Variants in PRPF39 observed in about 807,000 individuals in gnomAD.
PRPF39 encodes pre-mRNA processing factor 39, also known as pre-mRNA-processing factor 39.
Under a neutral mutation model 82.1 loss-of-function variants are expected in PRPF39, and 27 were observed. The observed-to-expected ratio is 0.33, with a 90% CI of 0.24 to 0.45. The LOEUF (loss-of-function observed/expected upper bound fraction) is 0.45. PRPF39 is among the 20% of genes least tolerant of loss of function. The probability of loss-of-function intolerance (pLI) is 1.00; values close to 1 mark genes in which losing one functional copy is unlikely to be tolerated. For missense variants in PRPF39, 581 were observed against 796.9 expected (o/e 0.73, Z 3.26); for synonymous variants, 261 against 256.4 (o/e 1.02, Z -0.17).
intron 5 of PRPF39, among the ~76,000 whole-genome samples, chr14:45,103,951 A>G (rs146594196): frequency 1.3e-5 from 2 of 152,228 alleles, no homozygotes; most frequent in Non-Finnish European, 2.9e-5. Flanking sequence ...TATCCCAGAC[A>G]CTGTGCTGAG....
chr14:45,095,966 G>A, intron 2 of PRPF39, 137 bp from the exon 3 acceptor site: 1 of 661,836 alleles, frequency 1.5e-6, no homozygotes, highest in Non-Finnish European at 2.4e-6. Flanking sequence ...TGCTCCATCG[G>A]CAGAGCAGCC....
intron 1 of PRPF39, among the ~76,000 whole-genome samples, chr14:45,086,974 T>C (rs1343963345): frequency 6.6e-6 from 1 of 152,066 alleles, no homozygotes; most frequent in African/African-American, 2.4e-5. Context: ...CACTGTGGTA[T>C]ATCTGTTTTT....
At chr14:45,090,021 C>A (rs1326230589) in intron 1 of PRPF39, among the ~76,000 whole-genome samples, 14 of 152,146 alleles carry the variant, frequency 9.2e-5, no homozygotes, top group Admixed American at 6.5e-4. Flanking sequence ...CCAGAAGAAA[C>A]CCTTATGTCT....
Position 45,114,922 on chromosome 14 carries a change from A to G in PRPF39, c.*9A>G, listed in dbSNP as rs994847694. On this transcript the variant is annotated 3_prime_UTR_variant, in exon 14 of 14. Coordinates refer to ENST00000355765, the MANE Select transcript of PRPF39 (RefSeq NM_017922.4). ...CTCCCCCTCCAACCTGATGGGAAAA[A>G]TGTAAATTTCAAATGCAGTGTGTGA... 1 of 1,580,752 alleles carries G rather than the reference A, an allele frequency of 6.3e-7. No homozygotes were observed. The highest frequency in any genetic ancestry group is 1.3e-5 in the African/African-American group (1 of 74,210).
Position 45,107,599 on chromosome 14 carries a change from A to G in PRPF39, c.886A>G (p.Ile296Val). 2 of 1,552,210 alleles carry G rather than the reference A, an allele frequency of 1.3e-6. No homozygotes were observed. The highest frequency in any genetic ancestry group is 1.7e-6 in the Non-Finnish European group (2 of 1,147,024). Residue 296 changes from isoleucine to valine, a missense_variant, in exon 6 of 14, where the codon ATA becomes GTA. Coordinates refer to ENST00000355765, the MANE Select transcript of PRPF39 (RefSeq NM_017922.4). ...TGATCTACCATCGGGAATTGAAGAC[A>G]TAACCGATCCTGCAAAGGTAACCAG... ...GDDLPSGIED[I>V]TDPAKLITEI...
chr14:45,092,622 A>T (rs946314960), intron 1 of PRPF39, among the ~76,000 whole-genome samples: 2 of 151,578 alleles, frequency 1.3e-5, no homozygotes, highest in Admixed American at 1.3e-4. Flanking sequence ...AAAAAAAAAA[A>T]AAGTCGTCAG....
rs1884676624 is a variant in PRPF39, at chr14:45,110,888, A to ACTGT, written c.1572+72_1572+75dup. 12 of 1,352,670 alleles carry ACTGT rather than the reference A, an allele frequency of 8.9e-6. No homozygotes were observed. The highest frequency in any genetic ancestry group is 1.0e-5 in the Non-Finnish European group (10 of 997,976). The allele number at this position is 1,352,670 out of a possible 1,614,324, so 83.8% of individuals were successfully genotyped here. A position where few individuals can be genotyped will look rare whatever the true frequency, so the allele number is the denominator to read the frequency against. On this transcript the variant is annotated intron_variant, in intron 10 of 13. Coordinates refer to ENST00000355765, the MANE Select transcript of PRPF39 (RefSeq NM_017922.4). This position sits in a 1 kb window ranked among gnomAD's most constrained non-coding sequence, Gnocchi z 4.0. ...TGGTCAGTGTATTTTCACTGTGGCA[A>ACTGT]CTGTGATGAAAGATTTGGTCTGTAT...
In PRPF39 at chr14:45,115,055, TA is replaced by T. The variant is rs201966218; in HGVS notation, c.*143del. The T allele has an allele frequency of 9.6e-3, 5,264 of 545,776 alleles. 41 individuals carry two copies. Among genetic ancestry groups the T allele is most frequent in the Non-Finnish European group, 0.014 (4,311 of 318,458 alleles). 33.8% of individuals were successfully genotyped at this position (545,776 alleles called of 1,614,324 possible). A position where few individuals can be genotyped will look rare whatever the true frequency, so the allele number is the denominator to read the frequency against. ...CTGTGTAACATGATTTGTTTAGTAA[TA>T]GGGGGAAAATGTCAATTAGTAGCTT... On this transcript the variant is annotated 3_prime_UTR_variant, in exon 14 of 14. Transcript: ENST00000355765.
intron 1 of PRPF39, among the ~76,000 whole-genome samples, chr14:45,093,775 G>A (rs1244780879): frequency 1.3e-5 from 2 of 149,586 alleles, no homozygotes; most frequent in African/African-American, 2.5e-5. Flanking sequence ...GGCTGGTCTC[G>A]AACTCCCAAC....
chr14:45,109,872 A>G (rs773902992), intron 8 of PRPF39, 92 bp downstream of exon 8: 1 of 1,520,180 alleles, frequency 6.6e-7, no homozygotes, highest in Non-Finnish European at 8.8e-7. Context: ...TGTTGTTCAT[A>G]TAACTATATC....
intron 1 of PRPF39, among the ~76,000 whole-genome samples, chr14:45,090,831 G>A (rs1203799574): frequency 6.6e-6 from 1 of 151,998 alleles, no homozygotes; most frequent in East Asian, 1.9e-4. Flanking sequence ...GTCACTACGA[G>A]GAATGTAATA....
At position 45,095,566 on chromosome 14, in the gene PRPF39, T is replaced by C; in HGVS notation, c.324+3T>C. The C allele has an allele frequency of 6.3e-7, 1 of 1,578,894 alleles. No homozygotes were observed. Among genetic ancestry groups the C allele is most frequent in the South Asian group, 1.2e-5 (1 of 86,792 alleles). Reference sequence around the variant, plus strand: ...TGCTTCAATATGTAGAACAGGAGGTTAGTAACTATTAAAATGGTATCAGAA... The same window carrying C: ...TGCTTCAATATGTAGAACAGGAGGTCAGTAACTATTAAAATGGTATCAGAA... On this transcript the variant is annotated splice_donor_region_variant and intron_variant, in intron 2 of 13. Transcript: ENST00000355765.
rs1884090150 is a variant in PRPF39, at chr14:45,093,109, G to A, written c.-19-2112G>A. Among the ~76,000 whole-genome samples the A allele has an allele frequency of 2.0e-5, 3 of 152,108 alleles. No homozygotes were observed. The South Asian group carries it at 6.2e-4, about 32-fold the overall frequency. On this transcript the variant is annotated intron_variant, in intron 1 of 13. Transcript: ENST00000355765. ...TTGGTGTAAATCCTTACAAATCTGT[G>A]AGTGCATGTGTGTATGCATATATAT...
At chr14:45,107,422 A>G (rs939274813) in intron 5 of PRPF39, 29 bp from the exon 6 acceptor site, 12 of 1,434,574 alleles carry the variant, frequency 8.4e-6, no homozygotes, top group Non-Finnish European at 1.1e-5. Flanking sequence ...TATGATTCAA[A>G]TACATATATT....
chr14:45,114,520 C>A lies in PRPF39; in HGVS notation c.1859C>A (p.Ala620Glu). 1.9e-6 allele frequency: 3 copies of A among 1,582,724 alleles called. No homozygotes were observed. Among genetic ancestry groups the A allele is most frequent in the Non-Finnish European group, 2.6e-6 (3 of 1,170,942 alleles). ...TCAGAAGAACCAGAGGAAAAGAAAG[C>A]ACATACAGAAGATACAACTTCATCA... ...NGSEEPEEKKAHTEDTTSSST... is the reference protein window; with the variant it reads ...NGSEEPEEKKEHTEDTTSSST... The change falls in exon 13 of 14, where the codon GCA becomes GAA. Residue 620 changes from alanine (A) to glutamate (E), a missense_variant. Ala to Glu is a moderately radical substitution (Grantham distance 107). Transcript: ENST00000355765.
In PRPF39 at chr14:45,102,698, T is replaced by A; in HGVS notation, c.737+2T>A. 1 of 1,587,650 alleles carries A rather than the reference T, an allele frequency of 6.3e-7. No individual in the cohort carries two copies. Reference sequence around the variant, plus strand: ...GCTGTATAGTCATCATTTTCAGAGGTAGGTGGGAAATTCTGATCATTGAAA... The same window carrying A: ...GCTGTATAGTCATCATTTTCAGAGGAAGGTGGGAAATTCTGATCATTGAAA... On this transcript the variant is annotated splice_donor_variant, in intron 5 of 13. Transcript: ENST00000355765. LOFTEE classifies it high-confidence loss of function.
At chr14:45,095,635 C>A (rs1039188287) in intron 2 of PRPF39, 72 bp downstream of exon 2, 112 of 1,424,474 alleles carry the variant, frequency 7.9e-5, no homozygotes, top group Non-Finnish European at 1.0e-4. Context: ...AAACAGTAGA[C>A]CTTATTGTTT....
Position 45,115,933 on chromosome 14 carries a change from C to CTTAAG in PRPF39, c.*1023_*1027dup. On this transcript the variant is annotated 3_prime_UTR_variant, in exon 14 of 14. Transcript: ENST00000355765. The stretch of plus-strand genomic sequence containing the variant: ...CAGTGGATCAATTTTTATTGAGCCA[C>CTTAAG]TTAAGTTTACAACATGAGGTAAAAG... 2.6e-6 allele frequency: 1 copy of CTTAAG among 387,586 alleles called. No homozygotes were observed. The highest frequency in any genetic ancestry group is 7.6e-4 in the Middle Eastern group (1 of 1,314). 24.0% of individuals were successfully genotyped at this position (387,586 alleles called of 1,614,324 possible).
intron 3 of PRPF39, 75 bp downstream of exon 3, chr14:45,096,303 T>C: frequency 6.7e-7 from 1 of 1,487,698 alleles, no homozygotes; most frequent in Non-Finnish European, 8.9e-7. Context: ...AGATTTTTTT[T>C]TTTTTTTTTT....
Sources: allele counts gnomAD v4.1 joint callset (sites outside exome capture counted in the v4.1 genomes callset), GRCh38; gene constraint gnomAD v4.1.1; non-coding constraint Gnocchi (gnomAD v3.1); transcripts MANE v1.5; gene names NCBI Gene and HGNC (gene_info 2026-07-23, HGNC 2026-07-21).